Variants in TMUB2 observed in about 807,000 individuals in gnomAD.
TMUB2 encodes the protein transmembrane and ubiquitin-like domain-containing protein 2.
Under a neutral mutation model 20.2 loss-of-function variants are expected in TMUB2, and 19 were observed. The ratio of observed to expected loss-of-function variants is 0.94; its 90% confidence interval spans 0.66 to 1.38. The LOEUF is 1.38. Among genes scored for constraint, TMUB2 ranks in the 40% most tolerant of loss-of-function variants. The pLI is 0.00. For missense variants in TMUB2, 426 were observed against 402.5 expected, an observed-to-expected ratio of 1.06 and a Z score of -0.50; for synonymous variants, 186 against 166.0, an observed-to-expected ratio of 1.12 and a Z score of -0.92.
At chr17:44,187,785 G>T (rs1369425051) in intron 2 of TMUB2, 42 bp downstream of exon 2, 2 of 718,120 alleles carry the variant, frequency 2.8e-6, no homozygotes, top group Non-Finnish European at 5.2e-6. Flanking sequence ...TGAGAAAGCT[G>T]AGGCTCTGAG....
At chr17:44,188,831 G>A in intron 2 of TMUB2, 191 bp from the exon 3 acceptor site, 1 of 931,980 alleles carries the variant, frequency 1.1e-6, no homozygotes. Flanking sequence ...TCACAATAGA[G>A]GCAAAGGGTA....
chr17:44,187,454 G>T, intron 1 of TMUB2: 1 of 557,926 alleles, frequency 1.8e-6, no homozygotes, highest in Non-Finnish European at 3.2e-6. Flanking sequence ...TAGATCACAG[G>T]CTGAGGGACA....
At chr17:44,188,124 T>C (rs1210703542) in intron 2 of TMUB2, 3 of 211,712 alleles carry the variant, frequency 1.4e-5, no homozygotes, top group East Asian at 2.4e-4. Context: ...CCAAGGGAAA[T>C]AGTAGGTACT....
At chr17:44,188,883 A>G (rs1288169533) in intron 2 of TMUB2, 139 bp from the exon 3 acceptor site, 3 of 1,376,642 alleles carry the variant, frequency 2.2e-6, no homozygotes, top group Non-Finnish European at 2.8e-6. Context: ...GGAATTAGGA[A>G]GGTTTGTGCC....
At position 44,191,672 on chromosome 17, in the gene TMUB2, C is replaced by T. The variant is rs2055613526; in HGVS notation, c.*808C>T. The T allele has an allele frequency of 1.5e-5, 15 of 985,730 alleles. No homozygotes were observed. Among genetic ancestry groups the T allele is most frequent in the Non-Finnish European group, 1.8e-5 (15 of 829,988 alleles). 61.1% of individuals were successfully genotyped at this position (985,730 alleles called of 1,614,324 possible). On this transcript the variant is annotated 3_prime_UTR_variant, in exon 4 of 4. Transcript: ENST00000538716. ...ATTGCTGGGCCCTAGGCTCTTGCTT[C>T]TGGGGCTATTGGAGGGTCAGTGTCT...
At position 44,191,632 on chromosome 17, in the gene TMUB2, A is replaced by AAGG. The variant is rs969610450; in HGVS notation, c.*770_*772dup. 2 of 985,698 alleles carry AAGG rather than the reference A, an allele frequency of 2.0e-6. No individual in the cohort carries two copies. Among genetic ancestry groups the AAGG allele is most frequent in the African/African-American group, 1.7e-5 (1 of 57,206 alleles). 61.1% of individuals were successfully genotyped at this position (985,698 alleles called of 1,614,324 possible). A position where few individuals can be genotyped will look rare whatever the true frequency, so the allele number is the denominator to read the frequency against. Reference sequence around the variant, plus strand: ...CCAGCGTCCTACCCTGCCCAACTCCAAGGACTGGGTATGGATTGCTGGGCC... The same window carrying AAGG: ...CCAGCGTCCTACCCTGCCCAACTCCAAGGAGGACTGGGTATGGATTGCTGGGCC... On this transcript the variant is annotated 3_prime_UTR_variant, in exon 4 of 4. Transcript: ENST00000538716.
intron 2 of TMUB2, 62 bp from the exon 3 acceptor site, chr17:44,188,960 A>G: frequency 6.6e-7 from 1 of 1,506,838 alleles, no homozygotes; most frequent in Non-Finnish European, 8.8e-7. Flanking sequence ...AACCTAAACA[A>G]ACTAGAGACC....
chr17:44,189,658 G>A, intron 3 of TMUB2, 70 bp downstream of exon 3: 1 of 1,397,226 alleles, frequency 7.2e-7, no homozygotes, highest in South Asian at 1.4e-5. Context: ...TAAGGAGGCT[G>A]GTGCAGACAT....
chr17:44,187,511 T>C, intron 1 of TMUB2, 165 bp from the exon 2 acceptor site: 1 of 601,916 alleles, frequency 1.7e-6, no homozygotes, highest in South Asian at 2.0e-5. Context: ...GCCGGGCCCC[T>C]CCCCACGAGA....
chr17:44,191,371 T>TG lies in TMUB2; in HGVS notation c.*510dup. On this transcript the variant is annotated 3_prime_UTR_variant, in exon 4 of 4. Coordinates refer to ENST00000538716, the MANE Select transcript of TMUB2 (RefSeq NM_001076674.3). ...TGAAGATTGTGCCAGCCTTCTCTTA[T>TG]GGGCACCTAGCCGCCTTCACCTTCT... 1.0e-6 allele frequency: 1 copy of TG among 987,938 alleles called. No homozygotes were observed. Among genetic ancestry groups the TG allele is most frequent in the Non-Finnish European group, 1.2e-6 (1 of 831,254 alleles). The allele number at this position is 987,938 out of a possible 1,614,324, so 61.2% of individuals were successfully genotyped here. A position where few individuals can be genotyped will look rare whatever the true frequency, so the allele number is the denominator to read the frequency against.
rs2055525900 is a variant in TMUB2, at chr17:44,191,192, T to C, written c.*328T>C. 9.1e-7 allele frequency: 1 copy of C among 1,095,798 alleles called. No individual in the cohort carries two copies. The highest frequency in any genetic ancestry group is 1.6e-5 in the African/African-American group (1 of 60,710). 67.9% of individuals were successfully genotyped at this position (1,095,798 alleles called of 1,614,324 possible). On this transcript the variant is annotated 3_prime_UTR_variant, in exon 4 of 4. Coordinates refer to ENST00000538716, the MANE Select transcript of TMUB2 (RefSeq NM_001076674.3). Reference sequence around the variant, plus strand: ...TCCCTCCCACCTGTGGTTCTGACTCTTCCCAGTGTCCTGCATGTCTGCCCC... The same window carrying C: ...TCCCTCCCACCTGTGGTTCTGACTCCTCCCAGTGTCCTGCATGTCTGCCCC...
In TMUB2 at chr17:44,189,267, C is replaced by G; in HGVS notation, c.281C>G (p.Pro94Arg). The G allele has an allele frequency of 6.2e-7, 1 of 1,607,002 alleles. No homozygotes were observed. Among genetic ancestry groups the G allele is most frequent in the African/African-American group, 1.3e-5 (1 of 74,954 alleles). Reference sequence around the variant, plus strand: ...CACCTGGTGGCAGGCCAAGGCAACCCCGAGCCAACTGAACTCCCCCATCCA... The same window carrying G: ...CACCTGGTGGCAGGCCAAGGCAACCGCGAGCCAACTGAACTCCCCCATCCA... ...VDHLVAGQGN[P>R]EPTELPHPSE... is the part of the protein sequence containing the mutation. Residue 94 changes from proline to arginine, a missense_variant, in exon 3 of 4, where the codon CCC becomes CGC. Coordinates refer to ENST00000538716, the MANE Select transcript of TMUB2 (RefSeq NM_001076674.3).
In TMUB2 at chr17:44,191,728, T is replaced by C; in HGVS notation, c.*864T>C. 4.1e-6 allele frequency: 4 copies of C among 985,710 alleles called. No homozygotes were observed. The highest frequency in any genetic ancestry group is 4.8e-6 in the Non-Finnish European group (4 of 829,962). 61.1% of individuals were successfully genotyped at this position (985,710 alleles called of 1,614,324 possible). On this transcript the variant is annotated 3_prime_UTR_variant, in exon 4 of 4. Coordinates refer to ENST00000538716, the MANE Select transcript of TMUB2 (RefSeq NM_001076674.3). ...TGAATAAAGTTCCATTTTGTGGTCC[T>C]GCAGCCTCTTTCTGTGACAGAGAAT...
intron 2 of TMUB2, 105 bp from the exon 3 acceptor site, chr17:44,188,917 C>CT (rs370100314): frequency 0.12 from 136,984 of 1,123,976 alleles, 2 homozygotes; most frequent in Non-Finnish European, 0.13. Flanking sequence ...CACTGAACTC[C>CT]TTTTTTTTTT....
Position 44,191,155 on chromosome 17 carries a change from G to A in TMUB2, c.*291G>A, listed in dbSNP as rs2055522131. The A allele has an allele frequency of 1.7e-6, 2 of 1,147,204 alleles. No individual in the cohort carries two copies. Among genetic ancestry groups the A allele is most frequent in the East Asian group, 1.2e-4 (2 of 17,318 alleles). 71.1% of individuals were successfully genotyped at this position (1,147,204 alleles called of 1,614,324 possible). ...GCTGGCCAAGCTCAGTGGGGAGCCT[G>A]GGCTCTGAGATTCCCTCCCACCTGT... On this transcript the variant is annotated 3_prime_UTR_variant, in exon 4 of 4. Coordinates refer to ENST00000538716, the MANE Select transcript of TMUB2 (RefSeq NM_001076674.3).
In TMUB2 at chr17:44,190,881, T is replaced by C. The variant is rs375412891; in HGVS notation, c.*17T>C. On this transcript the variant is annotated 3_prime_UTR_variant, in exon 4 of 4. Transcript: ENST00000538716. Reference sequence around the variant, plus strand: ...GGACGATAAGGACATAGGAAGAAAATGAAAGGCATGGTCTTTCTCCTTTAC... The same window carrying C: ...GGACGATAAGGACATAGGAAGAAAACGAAAGGCATGGTCTTTCTCCTTTAC... The C allele has an allele frequency of 7.6e-5, 121 of 1,587,124 alleles. 2 individuals carry two copies. In the African/African-American group the frequency reaches 1.5e-3, roughly 19 times the overall value.
chr17:44,190,655 T>TC lies in TMUB2; in HGVS notation c.758dup (p.Ala254SerfsTer9). ...CCCAGGGTCAGCTGTTCCAGGCCCCTCAGCCTCCTTGGCCCCCTCGGCCAC... is the reference window on the plus strand; with the variant it reads ...CCCAGGGTCAGCTGTTCCAGGCCCCTCCAGCCTCCTTGGCCCCCTCGGCCAC... On this transcript the variant is annotated frameshift_variant, in exon 4 of 4. Coordinates refer to ENST00000538716, the MANE Select transcript of TMUB2 (RefSeq NM_001076674.3). LOFTEE classifies it high-confidence loss of function. 2 of 1,614,214 alleles carry TC rather than the reference T, an allele frequency of 1.2e-6. No individual in the cohort carries two copies. The highest frequency in any genetic ancestry group is 4.5e-5 in the East Asian group (2 of 44,880).
Position 44,187,708 on chromosome 17 carries a change from G to C in TMUB2, c.-1G>C, listed in dbSNP as rs376916038. ...GGCACTGTGCCAAGTATTTTGCTTC[G>C]ATGATTTCACGTCATCTTCAAAACA... On this transcript the variant is annotated 5_prime_UTR_variant, in exon 2 of 4. Transcript: ENST00000538716. 2.1e-5 allele frequency: 15 copies of C among 718,464 alleles called. No individual in the cohort carries two copies. The Middle Eastern group carries it at 6.8e-4, about 33-fold the overall frequency. The allele number at this position is 718,464 out of a possible 1,614,324, so 44.5% of individuals were successfully genotyped here.
rs1598184487 is a variant in TMUB2 at position 44,191,103 on chromosome 17, T to C, written c.*239T>C. 5 of 1,273,996 alleles carry C rather than the reference T, an allele frequency of 3.9e-6. No individual in the cohort carries two copies. Among genetic ancestry groups the C allele is most frequent in the Admixed American group, 3.9e-5 (1 of 25,512 alleles). 78.9% of individuals were successfully genotyped at this position (1,273,996 alleles called of 1,614,324 possible). A position where few individuals can be genotyped will look rare whatever the true frequency, so the allele number is the denominator to read the frequency against. On this transcript the variant is annotated 3_prime_UTR_variant, in exon 4 of 4. Transcript: ENST00000538716. ...TGAGGATGTCATCTTCCTTCACTTT[T>C]AGGGTCCTCTGAAGGAGTTCAAAGC...
Sources: gnomAD v4.1 joint callset for allele counts on GRCh38, gnomAD v4.1.1 for gene constraint, MANE v1.5 for transcripts, NCBI Gene and HGNC (gene_info 2026-07-23, HGNC 2026-07-21) for gene names.